The following YARS1 variants were observed in gnomAD, a reference collection of about 807,000 sequenced individuals.
The protein encoded by YARS1 is tyrosyl-tRNA synthetase 1, also known as tyrosine--tRNA ligase, cytoplasmic.
YARS1 carries 36 observed loss-of-function variants against 62.2 expected under a neutral mutation model. The observed-to-expected ratio is 0.58, with a 90% CI of 0.44 to 0.76. The LOEUF (loss-of-function observed/expected upper bound fraction) is 0.76, where lower values mean the gene tolerates loss of function less well. YARS1 is among the 30% of genes least tolerant of loss of function. YARS1 has a pLI of 0.00. For missense variants in YARS1, 524 were observed against 639.8 expected, an observed-to-expected ratio of 0.82 and a Z score of 1.95; for synonymous variants, 234 against 244.9, an observed-to-expected ratio of 0.96 and a Z score of 0.42.
intron 1 of YARS1, 123 bp from the exon 2 acceptor site, chr1:32,811,180 TC>T: frequency 1.4e-6 from 2 of 1,431,868 alleles, no homozygotes; most frequent in Non-Finnish European, 2.0e-6. Context: ...ATCAAGGAGG[TC>T]CAGCCATGTT....
chr1:32,775,854 C>A lies in YARS1; in HGVS notation c.*127G>T. 1.1e-6 allele frequency: 1 copy of A among 890,856 alleles called. No homozygotes were observed. Among genetic ancestry groups the A allele is most frequent in the Non-Finnish European group, 1.8e-6 (1 of 553,810 alleles). 55.2% of individuals were successfully genotyped at this position (890,856 alleles called of 1,614,324 possible). On this transcript the variant is annotated 3_prime_UTR_variant, in exon 13 of 13. Transcript: ENST00000373477. Reference sequence around the variant, plus strand: ...AAGCTGCCCCTTGCCGAGTTCTGCACCGAATAAAGAGTCCAAACCCGCTGC... The same window carrying A: ...AAGCTGCCCCTTGCCGAGTTCTGCAACGAATAAAGAGTCCAAACCCGCTGC...
intron 4 of YARS1, among the ~76,000 whole-genome samples, chr1:32,803,765 T>A: frequency 6.6e-6 from 1 of 151,998 alleles, no homozygotes; most frequent in Non-Finnish European, 1.5e-5. Flanking sequence ...TATTTATTGA[T>A]CATTCTTGGG....
At chr1:32,804,689 G>A (rs1310186014) in intron 4 of YARS1, among the ~76,000 whole-genome samples, 1 of 151,520 alleles carries the variant, frequency 6.6e-6, no homozygotes, top group East Asian at 1.9e-4. Flanking sequence ...GCCGGGCAGA[G>A]ACGCTCCTCA....
intron 1 of YARS1, chr1:32,816,665 G>A (rs1477616295): frequency 6.3e-6 from 1 of 159,956 alleles, no homozygotes; most frequent in African/African-American, 2.4e-5. Flanking sequence ...TTCTACTCCT[G>A]TAGTTCTTGG....
chr1:32,790,504 A>T, intron 6 of YARS1: 1 of 100,150 alleles, frequency 1.0e-5, no homozygotes, highest in Non-Finnish European at 1.9e-5. Flanking sequence ...ACAGAGTGAG[A>T]CTCCATCTCA....
chr1:32,777,147 A>G (rs1176464706), intron 12 of YARS1, among the ~76,000 whole-genome samples: 7 of 151,704 alleles, frequency 4.6e-5, no homozygotes, highest in Admixed American at 3.3e-4. Flanking sequence ...CTCCTGCCTA[A>G]GCGTCTTAAG....
chr1:32,779,560 G>C, intron 11 of YARS1, 37 bp from the exon 12 acceptor site: 1 of 1,614,058 alleles, frequency 6.2e-7, no homozygotes, highest in Non-Finnish European at 8.5e-7. Context: ...GTGAGGCTAT[G>C]GATGGGTTCC....
At position 32,779,378 on chromosome 1, in the gene YARS1, T is replaced by C. The variant is rs1293552170; in HGVS notation, c.1476+4A>G. 1 of 1,614,080 alleles carries C rather than the reference T, an allele frequency of 6.2e-7. No individual in the cohort carries two copies. Among genetic ancestry groups the C allele is most frequent in the Non-Finnish European group, 8.5e-7 (1 of 1,180,048 alleles). On this transcript the variant is annotated splice_donor_region_variant and intron_variant, in intron 12 of 12. Coordinates refer to ENST00000373477, the MANE Select transcript of YARS1 (RefSeq NM_003680.4). ...CAAGAAAGGGAACAATTACAGCTTT[T>C]TACCTGCAACTTCTCGAAGACTTTC...
At chr1:32,796,281 G>A (rs1653578665) in intron 5 of YARS1, among the ~76,000 whole-genome samples, 1 of 152,080 alleles carries the variant, frequency 6.6e-6, no homozygotes, top group African/African-American at 2.4e-5. Context: ...AGGCAACAGT[G>A]TGAGACTCTG....
chr1:32,788,706 C>T (rs890274579), intron 6 of YARS1, among the ~76,000 whole-genome samples: 1 of 152,110 alleles, frequency 6.6e-6, no homozygotes, highest in Admixed American at 6.5e-5. Flanking sequence ...GCTGGGATTA[C>T]AGGCGTGAGC....
At chr1:32,805,251 GA>G (rs1638430990) in intron 4 of YARS1, among the ~76,000 whole-genome samples, 1 of 117,212 alleles carries the variant, frequency 8.5e-6, no homozygotes, top group African/African-American at 3.5e-5. Flanking sequence ...GAGAGGGGGA[GA>G]GGGGGAGAGG....
At chr1:32,783,689 T>C (rs1043686317) in intron 8 of YARS1, 1 of 152,234 alleles carries the variant, frequency 6.6e-6, no homozygotes, top group African/African-American at 2.4e-5. Context: ...GAATGAACAC[T>C]TTTAATACAA....
At chr1:32,809,311 C>T (rs112271329) in intron 3 of YARS1, among the ~76,000 whole-genome samples, 115 of 152,250 alleles carry the variant, frequency 7.6e-4, no homozygotes, top group African/African-American at 1.8e-3. Context: ...TGGTCTCAAA[C>T]GCCTGGCCTC....
chr1:32,804,261 C>T lies in YARS1; in HGVS notation c.510+2221G>A, dbSNP rs536058886. 2.0e-3 allele frequency among the ~76,000 whole-genome samples: 308 copies of T among 152,378 alleles called. 3 individuals are homozygous for T. The highest frequency in any genetic ancestry group is 6.1e-3 in the African/African-American group (253 of 41,592). ...TCTCAACGAGCTGTTGGGTACTCCT[C>T]CCAGACGGGGTGGCCGCCGGGCAGA... On this transcript the variant is annotated intron_variant, in intron 4 of 12. Transcript: ENST00000373477.
chr1:32,775,549 A>G lies in YARS1; in HGVS notation c.*432T>C, dbSNP rs1466480263. The G allele has an allele frequency of 5.7e-6, 1 of 176,990 alleles. No homozygotes were observed. The highest frequency in any genetic ancestry group is 5.6e-5 in the Admixed American group (1 of 18,002). The allele number at this position is 176,990 out of a possible 1,614,324, so 11.0% of individuals were successfully genotyped here. On this transcript the variant is annotated 3_prime_UTR_variant, in exon 13 of 13. Transcript: ENST00000373477. ...CCCTTCCCTTTCCTTTTCAAATCCC[A>G]CAGTTTCCTGTTGGGGAGAAGCTGT...
rs1265986480 is a variant in YARS1 at position 32,781,033 on chromosome 1, G to A, written c.1140+15C>T. On this transcript the variant is annotated intron_variant, in intron 10 of 12. Transcript: ENST00000373477. Reference sequence around the variant, plus strand: ...CCCCAATCTGCCTCTCTGAGATGTGGTGAAAAATGAGTACCTTCTCCACAG... The same window carrying A: ...CCCCAATCTGCCTCTCTGAGATGTGATGAAAAATGAGTACCTTCTCCACAG... The A allele has an allele frequency of 6.2e-7, 1 of 1,612,876 alleles. No homozygotes were observed. The highest frequency in any genetic ancestry group is 8.5e-7 in the Non-Finnish European group (1 of 1,178,824).
chr1:32,782,595 C>A, intron 8 of YARS1, 56 bp from the exon 9 acceptor site: 2 of 1,610,524 alleles, frequency 1.2e-6, no homozygotes, highest in Non-Finnish European at 8.5e-7. Context: ...CACAGGACAC[C>A]TGAATCCAAA....
At chr1:32,788,256 A>G (rs907297287) in intron 6 of YARS1, among the ~76,000 whole-genome samples, 17 of 152,190 alleles carry the variant, frequency 1.1e-4, no homozygotes, top group African/African-American at 3.6e-4. Context: ...CCTTACTTAC[A>G]ATTTTTTTTC....
chr1:32,811,829 C>T (rs1466681587), intron 1 of YARS1, among the ~76,000 whole-genome samples: 1 of 151,848 alleles, frequency 6.6e-6, no homozygotes, highest in Admixed American at 6.6e-5. Context: ...GGAGTGGGGA[C>T]ATGCCCCTAA....
Sources: allele counts gnomAD v4.1 joint callset (sites outside exome capture counted in the v4.1 genomes callset), GRCh38; gene constraint gnomAD v4.1.1; transcripts MANE v1.5; gene names NCBI Gene and HGNC (gene_info 2026-07-23, HGNC 2026-07-21).